UBR3: variants seen among roughly 807,000 people sequenced by gnomAD.
UBR3 encodes the protein ubiquitin protein ligase E3 component n-recognin 3.
UBR3 carries 85 observed loss-of-function variants against 243.2 expected under a neutral mutation model. The observed-to-expected ratio is 0.35, with a 90% CI of 0.29 to 0.42. The LOEUF is 0.42. Ranked by LOEUF, UBR3 falls within the 10% of genes least tolerant of loss-of-function variation. The pLI is 1.00. For synonymous variants in UBR3, 748 were observed against 799.8 expected, an observed-to-expected ratio of 0.94 and a Z score of 1.09; for missense variants, 1,686 against 2,300.8, an observed-to-expected ratio of 0.73 and a Z score of 5.47.
At chr2:169,952,398 G>A (rs942650212) in intron 23 of UBR3, among the ~76,000 whole-genome samples, 3 of 152,146 alleles carry the variant, frequency 2.0e-5, no homozygotes, top group Non-Finnish European at 4.4e-5. Flanking sequence ...TGTATAAGGA[G>A]CAATTTTAGT....
At chr2:169,915,132 T>C (rs2085409736) in intron 11 of UBR3, among the ~76,000 whole-genome samples, 4 of 152,300 alleles carry the variant, frequency 2.6e-5, no homozygotes, top group Middle Eastern at 6.8e-3. Flanking sequence ...TGTCCCATGA[T>C]ACCTTTTATA....
At chr2:170,040,528 T>C (rs1236626745) in intron 31 of UBR3, among the ~76,000 whole-genome samples, 1 of 152,226 alleles carries the variant, frequency 6.6e-6, no homozygotes, top group Non-Finnish European at 1.5e-5. Context: ...TTGTGATAAG[T>C]ATCCTATAAG....
chr2:169,931,383 A>G (rs1200665882), intron 18 of UBR3, among the ~76,000 whole-genome samples: 1 of 150,146 alleles, frequency 6.7e-6, no homozygotes, highest in Non-Finnish European at 1.5e-5. Flanking sequence ...AGGACGATAA[A>G]TGATTCTAGA....
chr2:169,934,135 T>C (rs1413104725), intron 19 of UBR3, among the ~76,000 whole-genome samples: 1 of 152,226 alleles, frequency 6.6e-6, no homozygotes, highest in African/African-American at 2.4e-5. Context: ...ATTCTGGCAC[T>C]TAGTAGGTAT....
intron 1 of UBR3, among the ~76,000 whole-genome samples, chr2:169,851,853 A>C (rs1320277589): frequency 6.7e-6 from 1 of 149,718 alleles, no homozygotes; most frequent in African/African-American, 2.5e-5. Context: ...AAAAAAAAAA[A>C]ACAACAGTTA....
At chr2:169,964,054 T>C (rs1016499774) in intron 24 of UBR3, among the ~76,000 whole-genome samples, 1 of 152,068 alleles carries the variant, frequency 6.6e-6, no homozygotes, top group African/African-American at 2.4e-5. Context: ...ACAAAGAAAA[T>C]AGCTTCAGAA....
At chr2:169,860,059 A>G (rs2083036201) in intron 1 of UBR3, among the ~76,000 whole-genome samples, 2 of 152,104 alleles carry the variant, frequency 1.3e-5, no homozygotes, top group African/African-American at 2.4e-5. Context: ...TCTATTATAT[A>G]TCTTCTATTT....
In UBR3 at chr2:169,986,693, A is replaced by G; in HGVS notation, c.3683A>G (p.Gln1228Arg). 1.2e-6 allele frequency: 2 copies of G among 1,613,746 alleles called. No individual in the cohort carries two copies. Among genetic ancestry groups the G allele is most frequent in the Non-Finnish European group, 1.7e-6 (2 of 1,179,788 alleles). ...IPMEITTAEPQVSEAVYDCVI... is the reference protein window; with the variant it reads ...IPMEITTAEPRVSEAVYDCVI... ...ATGGAGATCACCACGGCAGAACCAC[A>G]GGTTTCCGAGGCAGTATATGACTGT... Residue 1228 changes from glutamine to arginine, a missense_variant, in exon 25 of 39, where the codon CAG becomes CGG. Transcript: ENST00000272793.
intron 27 of UBR3, among the ~76,000 whole-genome samples, chr2:170,002,003 A>C (rs1183181883): frequency 2.0e-5 from 3 of 149,788 alleles, no homozygotes; most frequent in Non-Finnish European, 3.0e-5. Flanking sequence ...AGACTTTGCT[A>C]CTCTCTCTGA....
At chr2:169,849,147 A>G (rs73022483) in intron 1 of UBR3, among the ~76,000 whole-genome samples, 6,680 of 152,254 alleles carry the variant, frequency 0.044, 164 homozygotes, top group Middle Eastern at 0.068. Context: ...GAGGTCTTTC[A>G]TGAAGCTTTG....
intron 30 of UBR3, among the ~76,000 whole-genome samples, chr2:170,017,669 A>G (rs2090286163): frequency 6.6e-6 from 1 of 152,086 alleles, no homozygotes; most frequent in Non-Finnish European, 1.5e-5. Flanking sequence ...TAAAATTGAA[A>G]TGGAACAATG....
At chr2:169,974,692 G>C (rs2088341217) in intron 24 of UBR3, among the ~76,000 whole-genome samples, 1 of 151,550 alleles carries the variant, frequency 6.6e-6, no homozygotes, top group Non-Finnish European at 1.5e-5. Flanking sequence ...CCTTCCTCTT[G>C]CTAATTTTAA....
rs199859640 is a variant in UBR3, at chr2:170,001,258, G to A, written c.3919-46G>A. 1.5e-5 allele frequency: 20 copies of A among 1,323,580 alleles called. No homozygotes were observed. The African/African-American group carries it at 2.2e-4, about 15-fold the overall frequency. 82.0% of individuals were successfully genotyped at this position (1,323,580 alleles called of 1,614,324 possible). A position where few individuals can be genotyped will look rare whatever the true frequency, so the allele number is the denominator to read the frequency against. On this transcript the variant is annotated intron_variant, in intron 26 of 38. Transcript: ENST00000272793. Reference sequence around the variant, plus strand: ...GACATACTAATATTTAAATATGTTTGTACTTCTTTAAAATTAATTGTATTT... The same window carrying A: ...GACATACTAATATTTAAATATGTTTATACTTCTTTAAAATTAATTGTATTT...
chr2:170,026,017 G>A (rs2090519356), intron 30 of UBR3, among the ~76,000 whole-genome samples: 1 of 152,086 alleles, frequency 6.6e-6, no homozygotes. Context: ...TGTGAACTTA[G>A]AGGTAGAAGT....
At chr2:169,886,513 A>G (rs1181795256) in intron 5 of UBR3, among the ~76,000 whole-genome samples, 1 of 152,154 alleles carries the variant, frequency 6.6e-6, no homozygotes, top group Non-Finnish European at 1.5e-5. Flanking sequence ...TTATTTCCAG[A>G]TGACACTTTT....
intron 5 of UBR3, among the ~76,000 whole-genome samples, chr2:169,882,246 A>G (rs1192971785): frequency 1.2e-4 from 16 of 137,362 alleles, no homozygotes; most frequent in Admixed American, 3.1e-4. Context: ...TATATTGTAT[A>G]TGTATATATA....
chr2:170,046,604 G>A (rs2091094498), intron 32 of UBR3, among the ~76,000 whole-genome samples: 1 of 152,140 alleles, frequency 6.6e-6, no homozygotes, highest in Non-Finnish European at 1.5e-5. Context: ...TTTATCAGGA[G>A]ATATAATTTC....
At chr2:169,857,064 G>GTTCTTTTTTTTTTT in intron 1 of UBR3, among the ~76,000 whole-genome samples, 1 of 56,082 alleles carries the variant, frequency 1.8e-5, no homozygotes, top group South Asian at 9.2e-4. Flanking sequence ...ATTTTATTAT[G>GTTCTTTTTTTTTTT]TTTTTTTTTT....
intron 5 of UBR3, among the ~76,000 whole-genome samples, chr2:169,888,691 A>G (rs1355477867): frequency 6.6e-6 from 1 of 152,224 alleles, no homozygotes; most frequent in African/African-American, 2.4e-5. Flanking sequence ...GGGATGTTAC[A>G]TATGAATCAA....
Sources: allele counts gnomAD v4.1 joint callset (sites outside exome capture counted in the v4.1 genomes callset), GRCh38; gene constraint gnomAD v4.1.1; transcripts MANE v1.5; gene names NCBI Gene and HGNC (gene_info 2026-07-23, HGNC 2026-07-21).